The following MAPK4 variants were observed in gnomAD, a reference collection of about 807,000 sequenced individuals.
MAPK4 encodes mitogen-activated protein kinase 4.
In MAPK4, 22 loss-of-function variants were observed where a neutral mutation model predicts 47.7. The observed-to-expected ratio is 0.46, with a 90% CI of 0.33 to 0.66. The LOEUF (loss-of-function observed/expected upper bound fraction) is 0.66, where lower values mean the gene tolerates loss of function less well. Ranked by LOEUF, MAPK4 falls within the 30% of genes least tolerant of loss-of-function variation. The pLI, the probability that MAPK4 is intolerant of heterozygous loss-of-function variation, is 0.02. For missense variants in MAPK4, 736 were observed against 831.7 expected (o/e 0.88, Z 1.42); for synonymous variants, 390 against 365.7 (o/e 1.07, Z -0.76).
chr18:50,625,337 T>G (rs1272059386), intron 1 of MAPK4, among the ~76,000 whole-genome samples: 1 of 152,186 alleles, frequency 6.6e-6, no homozygotes, highest in East Asian at 1.9e-4. Flanking sequence ...GCGCTGGGCA[T>G]GAATTATGGC....
At chr18:50,616,164 A>G (rs569612529) in intron 1 of MAPK4, among the ~76,000 whole-genome samples, 33 of 152,304 alleles carry the variant, frequency 2.2e-4, no homozygotes, top group African/African-American at 7.0e-4. Context: ...GTCTGTGTAA[A>G]TCTTCCTTTG....
chr18:50,605,660 C>T (rs562375857), intron 1 of MAPK4, among the ~76,000 whole-genome samples: 7 of 152,302 alleles, frequency 4.6e-5, no homozygotes, highest in African/African-American at 1.4e-4. Flanking sequence ...CTCAGAGGGG[C>T]AGTTGAGCTG....
intron 1 of MAPK4, among the ~76,000 whole-genome samples, chr18:50,610,158 C>T (rs1190890931): frequency 1.3e-5 from 2 of 152,202 alleles, no homozygotes; most frequent in African/African-American, 2.4e-5. Context: ...GTTGGTTAAA[C>T]AGGCATGGGA....
At chr18:50,567,056 A>AT (rs926481447) in intron 1 of MAPK4, among the ~76,000 whole-genome samples, 3 of 149,590 alleles carry the variant, frequency 2.0e-5, no homozygotes, top group Non-Finnish European at 3.0e-5. Flanking sequence ...TGTGAACATA[A>AT]TTTTTTTTTG....
chr18:50,648,168 C>T (rs1346224243), intron 1 of MAPK4, among the ~76,000 whole-genome samples: 1 of 151,640 alleles, frequency 6.6e-6, no homozygotes, highest in Non-Finnish European at 1.5e-5. Context: ...GTGTTGTGCT[C>T]TGTGAACTGG....
At chr18:50,690,370 A>G (rs74777246) in intron 2 of MAPK4, among the ~76,000 whole-genome samples, 8 of 152,218 alleles carry the variant, frequency 5.3e-5, no homozygotes, top group Admixed American at 2.6e-4. Context: ...AACCATACCA[A>G]TTTCTTTCTC....
At position 50,729,701 on chromosome 18, in the gene MAPK4, C is replaced by A; in HGVS notation, c.1611C>A (p.Phe537Leu). 4 of 1,561,630 alleles carry A rather than the reference C, an allele frequency of 2.6e-6. No homozygotes were observed. The highest frequency in any genetic ancestry group is 1.9e-5 in the Admixed American group (1 of 51,690). ...APVDGGASPQ[F>L]DLDVFISRAL... ...TGGACGGCGGCGCCAGCCCCCAGTT[C>A]GACCTGGACGTGTTCATCTCCCGCG... The change falls in exon 6 of 6, where the codon TTC becomes TTA. Residue 537 changes from phenylalanine (F) to leucine (L), a missense_variant. This residue lies in a region of MAPK4 where 377 missense variants were observed against 378.6 expected (regional missense o/e 1.00). Coordinates refer to ENST00000400384, the MANE Select transcript of MAPK4 (RefSeq NM_002747.4).
At chr18:50,706,905 C>T (rs1295815587) in intron 2 of MAPK4, among the ~76,000 whole-genome samples, 1 of 152,154 alleles carries the variant, frequency 6.6e-6, no homozygotes, top group Admixed American at 6.5e-5. Flanking sequence ...GTTATCCTGT[C>T]TTTGAACTGT....
chr18:50,627,050 G>A lies in MAPK4; in HGVS notation c.-870-36039G>A, dbSNP rs867192111. On this transcript the variant is annotated intron_variant, in intron 1 of 5. Transcript: ENST00000400384. ...GCATTTTTGTCCCCCCTACCACCCC[G>A]CCCCCCGCCCACTCATCTTGGCCAC... is the stretch of plus-strand genomic sequence containing the variant. Among the ~76,000 whole-genome samples the A allele has an allele frequency of 1.2e-4, 13 of 105,240 alleles. No individual in the cohort carries two copies. The East Asian group carries it at 1.3e-3, about 10-fold the overall frequency. 69.0% of individuals were successfully genotyped at this position (105,240 alleles called of 152,430 possible).
intron 1 of MAPK4, among the ~76,000 whole-genome samples, chr18:50,624,425 T>C (rs2042758613): frequency 6.6e-6 from 1 of 151,850 alleles, no homozygotes; most frequent in African/African-American, 2.4e-5. Context: ...AGTGTAGTAC[T>C]GTATATGGCG....
chr18:50,687,829 C>T (rs548038864), intron 2 of MAPK4, among the ~76,000 whole-genome samples: 3 of 152,266 alleles, frequency 2.0e-5, no homozygotes, highest in East Asian at 1.9e-4. Flanking sequence ...ACTAGAATGC[C>T]GTCAGCTGCT....
intron 2 of MAPK4, among the ~76,000 whole-genome samples, chr18:50,688,404 A>T (rs1162281740): frequency 6.6e-6 from 1 of 152,202 alleles, no homozygotes. Context: ...TAAAGAGCTG[A>T]GGTCAGAAAA....
chr18:50,625,108 G>A (rs9951088), intron 1 of MAPK4, among the ~76,000 whole-genome samples: 1 of 152,064 alleles, frequency 6.6e-6, no homozygotes, highest in Non-Finnish European at 1.5e-5. Flanking sequence ...GACACTGGTG[G>A]GGAGAAGCTG....
chr18:50,570,057 G>C (rs1345763619), intron 1 of MAPK4, among the ~76,000 whole-genome samples: 1 of 152,234 alleles, frequency 6.6e-6, no homozygotes, highest in Non-Finnish European at 1.5e-5. Flanking sequence ...TGTGTTCACT[G>C]GGAAAGTTGG....
chr18:50,656,413 C>T (rs929703996), intron 1 of MAPK4, among the ~76,000 whole-genome samples: 5 of 152,150 alleles, frequency 3.3e-5, no homozygotes, highest in Admixed American at 1.3e-4. Flanking sequence ...CACAGGGATC[C>T]CCCCATAGGG....
At chr18:50,681,172 T>C (rs1908565261) in intron 2 of MAPK4, among the ~76,000 whole-genome samples, 1 of 152,210 alleles carries the variant, frequency 6.6e-6, no homozygotes, top group South Asian at 2.1e-4. Flanking sequence ...ACGTTGAACA[T>C]CTTTTCATGT....
chr18:50,687,651 G>A (rs1227849234), intron 2 of MAPK4, among the ~76,000 whole-genome samples: 5 of 152,170 alleles, frequency 3.3e-5, no homozygotes, highest in Admixed American at 1.3e-4. Flanking sequence ...ATCAGCACCC[G>A]GGTCTGAAGT....
chr18:50,610,966 C>T (rs756545821), intron 1 of MAPK4, among the ~76,000 whole-genome samples: 2 of 152,170 alleles, frequency 1.3e-5, no homozygotes, highest in South Asian at 4.1e-4. Context: ...CAGATTTGGA[C>T]ATGTACTTAG....
intron 2 of MAPK4, among the ~76,000 whole-genome samples, chr18:50,710,779 C>CTAAATAAA (rs56152549): frequency 2.1e-5 from 3 of 144,980 alleles, no homozygotes; most frequent in African/African-American, 5.1e-5. Flanking sequence ...GACTCCGTCT[C>CTAAATAAA]TAAATAAATA....
Sources: allele counts gnomAD v4.1 joint callset (sites outside exome capture counted in the v4.1 genomes callset), GRCh38; gene constraint gnomAD v4.1.1; regional missense constraint gnomAD v4.1.1; transcripts MANE v1.5; gene names NCBI Gene and HGNC (gene_info 2026-07-23, HGNC 2026-07-21).